ARAP2: variants seen among roughly 807,000 people sequenced by gnomAD.
ARAP2 encodes the protein ArfGAP with RhoGAP domain, ankyrin repeat and PH domain 2.
ARAP2 carries 148 observed loss-of-function variants against 194.5 expected under a neutral mutation model. That is an observed-to-expected ratio of 0.76 (90% CI 0.67 to 0.87). The LOEUF (loss-of-function observed/expected upper bound fraction) is 0.87, where lower values mean the gene tolerates loss of function less well. Among genes scored for constraint, ARAP2 ranks in the 40% least tolerant of loss-of-function variants. ARAP2 has a pLI of 0.00. For synonymous variants in ARAP2, 695 were observed against 683.5 expected (o/e 1.02, Z -0.26); for missense variants, 2,128 against 1,989.7 (o/e 1.07, Z -1.32).
chr4:36,180,124 C>A (rs1467874077), intron 8 of ARAP2, among the ~76,000 whole-genome samples: 3 of 151,860 alleles, frequency 2.0e-5, no homozygotes, highest in Non-Finnish European at 2.9e-5. Context: ...ACTACACACA[C>A]AAAAATTAGC....
At chr4:36,079,799 T>G (rs1439909898) in intron 31 of ARAP2, among the ~76,000 whole-genome samples, 1 of 152,094 alleles carries the variant, frequency 6.6e-6, no homozygotes, top group African/African-American at 2.4e-5. Flanking sequence ...TAAAGAAAAG[T>G]AGGTTCCTGT....
rs1262221471 is a variant in ARAP2, at chr4:36,073,776, T to C, written c.4656A>G (p.Ser1552=). The C allele has an allele frequency of 6.2e-7, 1 of 1,613,332 alleles. No individual in the cohort carries two copies. The highest frequency in any genetic ancestry group is 1.1e-5 in the South Asian group (1 of 91,058). The change falls in exon 32 of 33, where the codon TCA becomes TCG. Residue 1552 remains serine, a synonymous_variant. Transcript: ENST00000303965. ...WPPAGKERKR[S]ITKNPKIGGL... ...CTCCAATTTTGGGATTTTTGGTTAT[T>C]GAACGTTTTCGTTCCTTTCCAGCTG...
chr4:36,186,910 A>G (rs914832345), intron 8 of ARAP2, among the ~76,000 whole-genome samples: 1 of 152,222 alleles, frequency 6.6e-6, no homozygotes, highest in African/African-American at 2.4e-5. Flanking sequence ...TTCATTATAT[A>G]CTACAATGTA....
intron 6 of ARAP2, among the ~76,000 whole-genome samples, chr4:36,196,935 T>C (rs1743239581): frequency 6.6e-6 from 1 of 151,754 alleles, no homozygotes; most frequent in Admixed American, 6.6e-5. Context: ...AGTTCATCTT[T>C]AACGTCATTT....
chr4:36,129,933 C>T (rs563812453), intron 20 of ARAP2, among the ~76,000 whole-genome samples: 1 of 151,996 alleles, frequency 6.6e-6, no homozygotes, highest in East Asian at 1.9e-4. Context: ...TCACCTTCCA[C>T]CCCCACCATG....
At chr4:36,101,275 A>G (rs1716846397) in intron 27 of ARAP2, among the ~76,000 whole-genome samples, 1 of 152,004 alleles carries the variant, frequency 6.6e-6, no homozygotes, top group African/African-American at 2.4e-5. Flanking sequence ...ACTGTATTGA[A>G]GTAGCAGTGG....
intron 5 of ARAP2, among the ~76,000 whole-genome samples, chr4:36,031,389 A>C (rs1359135773): frequency 6.6e-6 from 1 of 152,204 alleles, no homozygotes; most frequent in Non-Finnish European, 1.5e-5. Context: ...TATACTAAGA[A>C]GCTTAGTCAC....
intron 6 of ARAP2, among the ~76,000 whole-genome samples, chr4:36,195,064 G>A (rs1394702408): frequency 6.6e-6 from 1 of 151,834 alleles, no homozygotes; most frequent in Non-Finnish European, 1.5e-5. Context: ...TATTTGGAAG[G>A]CTCAGGTTGA....
intron 5 of ARAP2, among the ~76,000 whole-genome samples, chr4:36,045,307 A>G (rs1404680424): frequency 6.6e-6 from 1 of 152,192 alleles, no homozygotes; most frequent in African/African-American, 2.4e-5. Flanking sequence ...CCATCAGTGG[A>G]TAAGTGGGTA....
At chr4:36,203,070 CA>C (rs780335138) in intron 6 of ARAP2, among the ~76,000 whole-genome samples, 2 of 152,138 alleles carry the variant, frequency 1.3e-5, no homozygotes, top group Non-Finnish European at 2.9e-5. Context: ...ACTTGCACTC[CA>C]ACATCACAGA....
At chr4:36,113,081 CAG>C in intron 26 of ARAP2, among the ~76,000 whole-genome samples, 1 of 151,946 alleles carries the variant, frequency 6.6e-6, no homozygotes, top group Middle Eastern at 3.4e-3. Flanking sequence ...GTATGGAAAA[CAG>C]AGTGAAGATC....
intron 2 of ARAP2, among the ~76,000 whole-genome samples, chr4:36,228,101 C>T (rs1038523887): frequency 2.6e-5 from 4 of 152,078 alleles, no homozygotes; most frequent in African/African-American, 9.7e-5. Context: ...TGCATCCTTC[C>T]CACCGAGCAC....
chr4:36,171,674 TA>T lies in ARAP2; in HGVS notation c.1858-4628del, dbSNP rs1000206611. Among the ~76,000 whole-genome samples the T allele has an allele frequency of 1.1e-3, 161 of 149,366 alleles. No individual in the cohort carries two copies. The East Asian group carries it at 0.012, about 11-fold the overall frequency. ...ACCCTAAAACTTAAAGTATAATAAT[TA>T]AAAAAAAAATGTTTAAAAGAATGCC... On this transcript the variant is annotated intron_variant, in intron 9 of 32. Transcript: ENST00000303965.
intron 1 of ARAP2, among the ~76,000 whole-genome samples, chr4:36,242,687 G>A (rs970658966): frequency 6.6e-6 from 1 of 152,078 alleles, no homozygotes; most frequent in African/African-American, 2.4e-5. Flanking sequence ...AGTGATATTA[G>A]AAAAACAAGA....
intron 1 of ARAP2, among the ~76,000 whole-genome samples, chr4:36,241,113 G>GAATA (rs1446554583): frequency 1.3e-5 from 2 of 152,114 alleles, no homozygotes; most frequent in Admixed American, 1.3e-4. Context: ...GGATATCAGA[G>GAATA]AATAATTTAT....
chr4:36,099,709 C>T (rs1009175535), intron 27 of ARAP2, among the ~76,000 whole-genome samples: 8 of 152,056 alleles, frequency 5.3e-5, no homozygotes. Context: ...CGCTAGACTG[C>T]CTGGGCTTGA....
intron 26 of ARAP2, 114 bp downstream of exon 26, chr4:36,114,056 G>A: frequency 2.5e-6 from 2 of 814,022 alleles, no homozygotes. Flanking sequence ...ATGCACTAAG[G>A]TAAAAAAAAT....
At chr4:36,243,303 CT>C (rs1753906127) in intron 1 of ARAP2, among the ~76,000 whole-genome samples, 1 of 135,442 alleles carries the variant, frequency 7.4e-6, no homozygotes, top group Non-Finnish European at 1.5e-5. Context: ...TTAAAAATAG[CT>C]TATTTTCAAT....
intron 15 of ARAP2, among the ~76,000 whole-genome samples, chr4:36,155,432 G>T (rs1052225016): frequency 1.3e-5 from 2 of 152,102 alleles, no homozygotes; most frequent in African/African-American, 4.8e-5. Flanking sequence ...TAAGAAGAAG[G>T]AACCAGACTG....
Sources: gnomAD v4.1 joint callset for allele counts (sites outside exome capture counted in the v4.1 genomes callset) on GRCh38, gnomAD v4.1.1 for gene constraint, MANE v1.5 for transcripts, NCBI Gene and HGNC (gene_info 2026-07-23, HGNC 2026-07-21) for gene names.